Variants in LTBP1 observed in about 807,000 individuals in gnomAD.
LTBP1 encodes latent-transforming growth factor beta-binding protein 1.
In LTBP1, 129 loss-of-function variants were observed where a neutral mutation model predicts 207.6. The ratio of observed to expected loss-of-function variants is 0.62; its 90% confidence interval spans 0.54 to 0.72. LTBP1 has a LOEUF of 0.72. Among genes scored for constraint, LTBP1 ranks in the 30% least tolerant of loss-of-function variants. The probability of loss-of-function intolerance (pLI) is 0.00; values close to 1 mark genes in which losing one functional copy is unlikely to be tolerated. For missense variants in LTBP1, 2,281 were observed against 2,217.2 expected, an observed-to-expected ratio of 1.03 and a Z score of -0.58; for synonymous variants, 963 against 833.7, an observed-to-expected ratio of 1.16 and a Z score of -2.67.
At chr2:33,107,643 A>G (rs1045649091) in intron 3 of LTBP1, among the ~76,000 whole-genome samples, 2 of 152,180 alleles carry the variant, frequency 1.3e-5, no homozygotes, top group African/African-American at 4.8e-5. Flanking sequence ...GAGTATTTAA[A>G]TATTTTAAAC....
At chr2:33,353,859 C>CATTTTTTTTTTTT (rs777108878) in intron 26 of LTBP1, among the ~76,000 whole-genome samples, 1 of 113,114 alleles carries the variant, frequency 8.8e-6, no homozygotes. Flanking sequence ...TGCATGTACG[C>CATTTTTTTTTTTT]CTTTTTTTTT....
At position 33,211,357 on chromosome 2, in the gene LTBP1, G is replaced by T. The variant is rs1181387526; in HGVS notation, c.1702-6195G>T. On this transcript the variant is annotated intron_variant, in intron 7 of 33. Coordinates refer to ENST00000404816, the MANE Select transcript of LTBP1 (RefSeq NM_206943.4). ...GGGCCTGGAGTCCAGCCCATGCTCT[G>T]CTCATCCAACTCCATGTCCTGATGC... Among the ~76,000 whole-genome samples, 3 of 152,162 alleles carry T rather than the reference G, an allele frequency of 2.0e-5. No homozygotes were observed. The South Asian group carries it at 6.2e-4, about 32-fold the overall frequency.
At chr2:33,174,146 T>A (rs1047972499) in intron 5 of LTBP1, among the ~76,000 whole-genome samples, 3 of 147,454 alleles carry the variant, frequency 2.0e-5, no homozygotes, top group Non-Finnish European at 4.5e-5. Flanking sequence ...GTGTTGGAAG[T>A]TCTAGCCAGG....
chr2:33,029,737 C>T (rs917024947), intron 3 of LTBP1, among the ~76,000 whole-genome samples: 4 of 152,100 alleles, frequency 2.6e-5, no homozygotes, highest in Non-Finnish European at 4.4e-5. Flanking sequence ...CTCCGCTTAA[C>T]AAAATAGTGG....
chr2:33,298,731 T>C (rs565298252), intron 20 of LTBP1, among the ~76,000 whole-genome samples: 1 of 152,342 alleles, frequency 6.6e-6, no homozygotes, highest in East Asian at 1.9e-4. Context: ...AGGAATTATT[T>C]ATAAATCAAA....
At chr2:33,149,928 G>C (rs1325664586) in intron 5 of LTBP1, among the ~76,000 whole-genome samples, 1 of 152,126 alleles carries the variant, frequency 6.6e-6, no homozygotes, top group African/African-American at 2.4e-5. Context: ...GAGGGTATGG[G>C]TTTGTTATTT....
At chr2:33,232,994 A>C (rs1325329993) in intron 9 of LTBP1, among the ~76,000 whole-genome samples, 3 of 151,970 alleles carry the variant, frequency 2.0e-5, no homozygotes, top group African/African-American at 7.2e-5. Flanking sequence ...ATAATCTCCT[A>C]ATTCTTTATG....
At chr2:33,208,606 CA>C (rs2090055128) in intron 7 of LTBP1, among the ~76,000 whole-genome samples, 1 of 152,148 alleles carries the variant, frequency 6.6e-6, no homozygotes, top group Non-Finnish European at 1.5e-5. Context: ...ACCTGGCAGG[CA>C]GGGGGCACCT....
intron 2 of LTBP1, among the ~76,000 whole-genome samples, chr2:32,965,009 C>T (rs1679731653): frequency 6.6e-6 from 1 of 152,040 alleles, no homozygotes; most frequent in Non-Finnish European, 1.5e-5. Flanking sequence ...CATTGCACTC[C>T]AGCCTGGCGA....
chr2:33,107,846 TTTGAA>T (rs149959364), intron 3 of LTBP1, among the ~76,000 whole-genome samples: 9,770 of 152,208 alleles, frequency 0.064, 873 homozygotes, highest in East Asian at 0.44. Flanking sequence ...AGTCCCCCAC[TTTGAA>T]AAATTACGGT....
intron 6 of LTBP1, among the ~76,000 whole-genome samples, chr2:33,187,909 T>G (rs2087377515): frequency 6.6e-6 from 1 of 152,122 alleles, no homozygotes; most frequent in African/African-American, 2.4e-5. Context: ...TATGAGAAAT[T>G]CAAAAATAAT....
intron 4 of LTBP1, among the ~76,000 whole-genome samples, chr2:33,132,468 C>T (rs2081870912): frequency 6.6e-6 from 1 of 152,188 alleles, no homozygotes; most frequent in Admixed American, 6.5e-5. Flanking sequence ...TGACAGGCTG[C>T]TTTCCAGCTA....
intron 5 of LTBP1, among the ~76,000 whole-genome samples, chr2:33,180,208 A>G (rs1365996547): frequency 6.6e-6 from 1 of 152,196 alleles, no homozygotes; most frequent in African/African-American, 2.4e-5. Flanking sequence ...CAGACAGATA[A>G]TCAAGAATTG....
chr2:33,125,933 T>A (rs960204100), intron 4 of LTBP1, among the ~76,000 whole-genome samples: 5 of 152,166 alleles, frequency 3.3e-5, no homozygotes, highest in Non-Finnish European at 5.9e-5. Flanking sequence ...AGTTGGTTGG[T>A]TCTGGCTCAG....
At chr2:33,068,920 A>T (rs2077647506) in intron 3 of LTBP1, among the ~76,000 whole-genome samples, 1 of 152,172 alleles carries the variant, frequency 6.6e-6, no homozygotes, top group African/African-American at 2.4e-5. Context: ...TTTATGGAAA[A>T]AGTTTGCTAA....
At chr2:32,986,031 T>G (rs1348675297) in intron 2 of LTBP1, among the ~76,000 whole-genome samples, 1 of 152,208 alleles carries the variant, frequency 6.6e-6, no homozygotes, top group African/African-American at 2.4e-5. Flanking sequence ...CAAAAAATGT[T>G]CCTTTTATCT....
rs1283001365 is a variant in LTBP1 at position 32,947,302 on chromosome 2, G to T, written c.-23G>T. 12 of 1,210,070 alleles carry T rather than the reference G, an allele frequency of 9.9e-6. No individual in the cohort carries two copies. The highest frequency in any genetic ancestry group is 3.7e-5 in the South Asian group (1 of 26,952). 75.0% of individuals were successfully genotyped at this position (1,210,070 alleles called of 1,614,324 possible). The stretch of plus-strand genomic sequence containing the variant: ...GGAGGGGGCCGGACCGCGCGCGACC[G>T]GTCGCGCCCGCTGGGGCCCGCGATG... On this transcript the variant is annotated 5_prime_UTR_variant, in exon 1 of 34. Transcript: ENST00000404816.
intron 24 of LTBP1, among the ~76,000 whole-genome samples, chr2:33,342,127 A>G (rs867355950): frequency 2.0e-5 from 3 of 152,200 alleles, no homozygotes; most frequent in African/African-American, 7.2e-5. Context: ...TAACTTTGCA[A>G]TTGAGGCATC....
In LTBP1 at chr2:32,947,754, C is replaced by T. The variant is rs753441897; in HGVS notation, c.430C>T (p.Pro144Ser). The change falls in exon 1 of 34, where the codon CCG becomes TCG. Residue 144 changes from proline (P) to serine (S), a missense_variant. Pro to Ser is a moderately conservative substitution (Grantham distance 74). Coordinates refer to ENST00000404816, the MANE Select transcript of LTBP1 (RefSeq NM_206943.4). Reference sequence around the variant, plus strand: ...CAGGCAAGTTGTGCGCTCCAAGGTGCCGCAGGAGACCCAGAGCGGCGGAGG... The same window carrying T: ...CAGGCAAGTTGTGCGCTCCAAGGTGTCGCAGGAGACCCAGAGCGGCGGAGG... ...QGRQVVRSKV[P>S]QETQSGGGSR... 6.6e-7 allele frequency: 1 copy of T among 1,524,028 alleles called. No individual in the cohort carries two copies. Among genetic ancestry groups the T allele is most frequent in the Non-Finnish European group, 8.8e-7 (1 of 1,135,056 alleles). The allele number at this position is 1,524,028 out of a possible 1,614,324, so 94.4% of individuals were successfully genotyped here. A position where few individuals can be genotyped will look rare whatever the true frequency, so the allele number is the denominator to read the frequency against.
Sources: gnomAD v4.1 joint callset for allele counts (sites outside exome capture counted in the v4.1 genomes callset) on GRCh38, gnomAD v4.1.1 for gene constraint, MANE v1.5 for transcripts, NCBI Gene and HGNC (gene_info 2026-07-23, HGNC 2026-07-21) for gene names.